The following ZNF658 variants were observed in gnomAD, a reference collection of about 807,000 sequenced individuals.
The protein encoded by ZNF658 is zinc finger protein 658.
Under a neutral mutation model 78.0 loss-of-function variants are expected in ZNF658, and 46 were observed. That is an observed-to-expected ratio of 0.59 (90% CI 0.47 to 0.75). The LOEUF (loss-of-function observed/expected upper bound fraction) is 0.75. Ranked by LOEUF, ZNF658 falls within the 30% of genes least tolerant of loss-of-function variation. The pLI is 0.00. For synonymous variants in ZNF658, 279 were observed against 408.4 expected (o/e 0.68, Z 3.82); for missense variants, 785 against 1,189.3 (o/e 0.66, Z 5.00).
chr9:66,910,624 C>G (rs1227502017), intron 4 of ZNF658, among the ~76,000 whole-genome samples: 1 of 151,804 alleles, frequency 6.6e-6, no homozygotes, highest in African/African-American at 2.4e-5. Flanking sequence ...CTGGCTAACA[C>G]GGTGAAACCC....
At chr9:66,909,691 G>A (rs1031594917) in intron 4 of ZNF658, among the ~76,000 whole-genome samples, 4 of 152,094 alleles carry the variant, frequency 2.6e-5, no homozygotes, top group African/African-American at 9.7e-5. Context: ...ACAGCATATG[G>A]GGGTTCTGAT....
At position 66,918,382 on chromosome 9, in the gene ZNF658, T is replaced by G. The variant is rs1822395534; in HGVS notation, c.816T>G (p.Leu272=). ...RTDTRGKCSD[L]NEYGTSCDKT... ...ACACAAGGGGGAAATGCTCTGATCTTAATGAATATGGGACATCCTGTGACA... is the reference window on the plus strand; with the variant it reads ...ACACAAGGGGGAAATGCTCTGATCTGAATGAATATGGGACATCCTGTGACA... Residue 272 remains leucine, a synonymous_variant, in exon 5 of 5, where the codon CTT becomes CTG. Transcript: ENST00000621410. 1.2e-6 allele frequency: 2 copies of G among 1,613,836 alleles called. No individual in the cohort carries two copies. The highest frequency in any genetic ancestry group is 1.7e-6 in the Non-Finnish European group (2 of 1,179,826).
At chr9:66,915,669 T>C (rs1822319912) in intron 4 of ZNF658, among the ~76,000 whole-genome samples, 1 of 152,124 alleles carries the variant, frequency 6.6e-6, no homozygotes, top group South Asian at 2.1e-4. Context: ...ATTGTTGTTT[T>C]ATTATCTCTT....
chr9:66,930,404 C>A (rs1169042325), intron 6 of ZNF658, among the ~76,000 whole-genome samples: 2 of 144,748 alleles, frequency 1.4e-5, no homozygotes, highest in Non-Finnish European at 3.1e-5. Flanking sequence ...AAAGACTTGA[C>A]CTCATTCCCT....
At chr9:66,928,671 T>G (rs1822609421) in intron 6 of ZNF658, among the ~76,000 whole-genome samples, 1 of 147,030 alleles carries the variant, frequency 6.8e-6, no homozygotes, top group African/African-American at 2.5e-5. Context: ...GCTAACACGG[T>G]GAAACCCCAT....
At chr9:66,908,409 T>C (rs781283147) in intron 3 of ZNF658, 45 bp downstream of exon 3, 37 of 1,612,260 alleles carry the variant, frequency 2.3e-5, no homozygotes, top group Non-Finnish European at 2.9e-5. Flanking sequence ...TATATGTCCC[T>C]TTTTAAAAAG....
chr9:66,901,801 G>A (rs1174480239), intron 1 of ZNF658, among the ~76,000 whole-genome samples: 2 of 151,560 alleles, frequency 1.3e-5, no homozygotes, highest in Non-Finnish European at 2.9e-5. Context: ...AAAATTAGCC[G>A]GGCGTGGTGG....
chr9:66,903,418 C>T, intron 1 of ZNF658, 100 bp from the exon 2 acceptor site: 1 of 743,818 alleles, frequency 1.3e-6, no homozygotes, highest in Non-Finnish European at 2.4e-6. Context: ...GCAGTAAAAC[C>T]ATTATCAAGT....
chr9:66,910,751 G>C (rs545218240), intron 4 of ZNF658, among the ~76,000 whole-genome samples: 9 of 148,472 alleles, frequency 6.1e-5, no homozygotes, highest in African/African-American at 2.3e-4. Context: ...AGCCGAGATA[G>C]CACCACTGCA....
At chr9:66,912,936 T>A (rs1822247342) in intron 4 of ZNF658, among the ~76,000 whole-genome samples, 1 of 151,984 alleles carries the variant, frequency 6.6e-6, no homozygotes, top group African/African-American at 2.4e-5. Flanking sequence ...TAATCCCAGC[T>A]GCTTGGGAGG....
Position 66,918,355 on chromosome 9 carries a change from T to C in ZNF658, c.789T>C (p.Thr263=), listed in dbSNP as rs760211072. 1.9e-6 allele frequency: 3 copies of C among 1,613,908 alleles called. No homozygotes were observed. Among genetic ancestry groups the C allele is most frequent in the Non-Finnish European group, 8.5e-7 (1 of 1,179,842 alleles). The part of the protein sequence containing the change: ...DKITLFNHMR[T]DTRGKCSDLN... ...TCACTTTATTTAACCACATGAGAAC[T>C]GACACAAGGGGGAAATGCTCTGATC... The change falls in exon 5 of 5, where the codon ACT becomes ACC. Residue 263 remains threonine, a synonymous_variant. Transcript: ENST00000621410.
chr9:66,922,284 G>A (rs564476841), downstream of ZNF658, among the ~76,000 whole-genome samples: 2 of 152,116 alleles, frequency 1.3e-5, no homozygotes, highest in East Asian at 1.9e-4. Flanking sequence ...GAATTCCCTG[G>A]CCCCTTCTGC....
intron 2 of ZNF658, 58 bp from the exon 3 acceptor site, chr9:66,908,180 C>T: frequency 6.2e-7 from 1 of 1,612,474 alleles, no homozygotes; most frequent in Non-Finnish European, 8.5e-7. Context: ...CTGTGTCACC[C>T]AATTCTGAAC....
rs777410106 is a variant in ZNF658, at chr9:66,917,838, G to A, written c.272G>A (p.Arg91Gln). Residue 91 changes from arginine to glutamine, a missense_variant, in exon 5 of 5, where the codon CGG (arginine) becomes CAG (glutamine). Physicochemically the swap from Arg to Gln is conservative, Grantham distance 43 (BLOSUM62 1). This residue lies in a region of ZNF658 where 4 missense variants were observed against 21.5 expected (regional missense o/e 0.19). Coordinates refer to ENST00000621410, the MANE Select transcript of ZNF658 (RefSeq NM_033160.7). ...YFKVDHIKGI[R>Q]EKQEKPLWQE... ...AAAGTTGATCACATCAAAGGGATCCGGGAAAAACAAGAAAAACCTCTGTGG... is the reference window on the plus strand; with the variant it reads ...AAAGTTGATCACATCAAAGGGATCCAGGAAAAACAAGAAAAACCTCTGTGG... 2.6e-5 allele frequency: 39 copies of A among 1,483,142 alleles called. No homozygotes were observed. Among genetic ancestry groups the A allele is most frequent in the South Asian group, 9.4e-5 (8 of 84,922 alleles). 91.9% of individuals were successfully genotyped at this position (1,483,142 alleles called of 1,614,324 possible). A position where few individuals can be genotyped will look rare whatever the true frequency, so the allele number is the denominator to read the frequency against.
chr9:66,908,148 T>G, intron 2 of ZNF658, 90 bp from the exon 3 acceptor site: 2 of 1,606,836 alleles, frequency 1.2e-6, no homozygotes, highest in Non-Finnish European at 1.7e-6. Context: ...TTCATTTTAG[T>G]AGTAGCTCTC....
rs1822372605 is a variant in ZNF658 at position 66,917,862 on chromosome 9, G to A, written c.296G>A (p.Trp99Ter). Residue 99 changes from tryptophan to a stop codon, truncating the protein, a stop_gained, in exon 5 of 5, where the codon TGG becomes TAG. Transcript: ENST00000621410. LOFTEE classifies it high-confidence loss of function. Reference protein sequence around the residue: ...GIREKQEKPLWQEIFISDADK... With the variant: ...GIREKQEKPL ...CGGGAAAAACAAGAAAAACCTCTGT[G>A]GCAAGAAATATTCATCAGTGATGCT... 3.8e-6 allele frequency: 6 copies of A among 1,587,008 alleles called. No individual in the cohort carries two copies. The highest frequency in any genetic ancestry group is 2.3e-5 in the East Asian group (1 of 44,426).
chr9:66,914,723 A>C (rs1240113042), intron 4 of ZNF658, among the ~76,000 whole-genome samples: 1 of 152,126 alleles, frequency 6.6e-6, no homozygotes, highest in Non-Finnish European at 1.5e-5. Flanking sequence ...TAAAAACTAT[A>C]GTTTTTATAG....
In ZNF658 at chr9:66,921,056, G is replaced by T. The variant is rs1438837581; in HGVS notation, c.*310G>T. ...TCAAAACCATAGAGCACAAGGTCAAGGAAGCTAGAGTCTGAAAAACGAACA... is the reference window on the plus strand; with the variant it reads ...TCAAAACCATAGAGCACAAGGTCAATGAAGCTAGAGTCTGAAAAACGAACA... On this transcript the variant is annotated 3_prime_UTR_variant, in exon 5 of 5. Transcript: ENST00000621410. 2 of 343,000 alleles carry T rather than the reference G, an allele frequency of 5.8e-6. No homozygotes were observed. Among genetic ancestry groups the T allele is most frequent in the African/African-American group, 2.1e-5 (1 of 46,642 alleles). 21.2% of individuals were successfully genotyped at this position (343,000 alleles called of 1,614,324 possible). A position where few individuals can be genotyped will look rare whatever the true frequency, so the allele number is the denominator to read the frequency against.
In ZNF658 at chr9:66,908,314, C is replaced by T. The variant is rs146784728; in HGVS notation, c.92C>T (p.Thr31Met). 1.1e-4 allele frequency: 171 copies of T among 1,613,930 alleles called. No homozygotes were observed. Among genetic ancestry groups the T allele is most frequent in the East Asian group, 4.0e-4 (18 of 44,864 alleles). ...EWQHLGPVER[T>M]LYRDVMLENY... The stretch of plus-strand genomic sequence containing the variant: ...CAGCACCTGGGCCCTGTCGAGAGGA[C>T]GCTGTACAGAGATGTGATGCTGGAG... The change falls in exon 3 of 5, where the codon ACG becomes ATG. Residue 31 changes from threonine (T) to methionine (M), a missense_variant. Thr to Met is a moderately conservative substitution (Grantham distance 81, BLOSUM62 -1). Coordinates refer to ENST00000621410, the MANE Select transcript of ZNF658 (RefSeq NM_033160.7).
Sources: allele counts gnomAD v4.1 joint callset (sites outside exome capture counted in the v4.1 genomes callset), GRCh38; gene constraint gnomAD v4.1.1; regional missense constraint gnomAD v4.1.1; transcripts MANE v1.5; gene names NCBI Gene and HGNC (gene_info 2026-07-23, HGNC 2026-07-21).